The following THSD4 variants were observed in gnomAD, a reference collection of about 807,000 sequenced individuals.
THSD4 encodes thrombospondin type-1 domain-containing protein 4.
In THSD4, 69 loss-of-function variants were observed where a neutral mutation model predicts 119.0. That is an observed-to-expected ratio of 0.58 (90% CI 0.48 to 0.71). The LOEUF is 0.71. Ranked by LOEUF, THSD4 falls within the 30% of genes least tolerant of loss-of-function variation. THSD4 has a pLI of 0.00. For synonymous variants in THSD4, 524 were observed against 540.4 expected (o/e 0.97, Z 0.42); for missense variants, 1,393 against 1,391.1 (o/e 1.00, Z -0.02).
At chr15:71,286,528 T>A (rs1371095026) in intron 6 of THSD4, among the ~76,000 whole-genome samples, 3 of 152,268 alleles carry the variant, frequency 2.0e-5, no homozygotes, top group Admixed American at 2.0e-4. Flanking sequence ...GGTGTGTATG[T>A]ACCACATTTT....
At chr15:71,488,316 C>T (rs2047854490) in intron 7 of THSD4, among the ~76,000 whole-genome samples, 1 of 152,184 alleles carries the variant, frequency 6.6e-6, no homozygotes, top group South Asian at 2.1e-4. Context: ...TAGGATGCAT[C>T]GTTCTTCTAA....
intron 7 of THSD4, among the ~76,000 whole-genome samples, chr15:71,579,372 G>A (rs189148815): frequency 7.9e-5 from 12 of 152,302 alleles, no homozygotes; most frequent in African/African-American, 2.6e-4. Flanking sequence ...CCTCACGCCT[G>A]TTCTCATGAT....
chr15:71,239,687 T>C lies in THSD4; in HGVS notation c.465-2962T>C, dbSNP rs115938004. On this transcript the variant is annotated intron_variant, in intron 4 of 17. Transcript: ENST00000261862. ...ACAGCTCCCCTGGGCGCCTACCACA[T>C]GATTCTCCTGAAGGAGTTTACTGGC... Among the ~76,000 whole-genome samples the C allele has an allele frequency of 9.1e-3, 1,392 of 152,286 alleles. 28 individuals are homozygous for C. Among genetic ancestry groups the C allele is most frequent in the African/African-American group, 0.032 (1,347 of 41,560 alleles).
chr15:71,763,762 T>C (rs956642842), intron 15 of THSD4, among the ~76,000 whole-genome samples: 3 of 151,746 alleles, frequency 2.0e-5, no homozygotes, highest in African/African-American at 2.4e-5. Context: ...CTAAAAAAAA[T>C]TGTTTTAATT....
chr15:71,230,779 G>C (rs921821544), intron 4 of THSD4, among the ~76,000 whole-genome samples: 1 of 152,182 alleles, frequency 6.6e-6, no homozygotes, highest in Admixed American at 6.5e-5. Flanking sequence ...TCTTTGCTCT[G>C]AGCTATCTAA....
intron 8 of THSD4, among the ~76,000 whole-genome samples, chr15:71,700,017 A>G (rs2052252028): frequency 6.6e-6 from 1 of 152,222 alleles, no homozygotes; most frequent in South Asian, 2.1e-4. Context: ...ATCATACCTA[A>G]AGGTGAAACA....
intron 6 of THSD4, among the ~76,000 whole-genome samples, chr15:71,320,135 C>A (rs1245241613): frequency 6.6e-6 from 1 of 152,102 alleles, no homozygotes; most frequent in Non-Finnish European, 1.5e-5. Flanking sequence ...CTTCTAGTTC[C>A]CGAAGTTGGC....
At chr15:71,309,728 G>A (rs2045084946) in intron 6 of THSD4, among the ~76,000 whole-genome samples, 3 of 152,204 alleles carry the variant, frequency 2.0e-5, no homozygotes, top group Admixed American at 2.0e-4. Flanking sequence ...ACCACAATTT[G>A]TTGAAGAGAC....
intron 7 of THSD4, among the ~76,000 whole-genome samples, chr15:71,504,468 G>T (rs1216202039): frequency 6.6e-6 from 1 of 152,166 alleles, no homozygotes; most frequent in Non-Finnish European, 1.5e-5. Context: ...AAAGACTAAA[G>T]TCACACATTC....
chr15:71,742,350 G>C (rs1280085491), intron 11 of THSD4, among the ~76,000 whole-genome samples: 4 of 152,188 alleles, frequency 2.6e-5, no homozygotes, highest in Non-Finnish European at 4.4e-5. Context: ...CTCTTGGCTT[G>C]TTTCATTTGA....
At chr15:71,345,623 T>C (rs1002020022) in intron 6 of THSD4, among the ~76,000 whole-genome samples, 4 of 152,082 alleles carry the variant, frequency 2.6e-5, no homozygotes, top group African/African-American at 7.2e-5. Flanking sequence ...TGCAAAATAA[T>C]TGTGACAGGT....
At chr15:71,164,863 C>T in intron 3 of THSD4, 1 of 1,572,262 alleles carries the variant, frequency 6.4e-7, no homozygotes, top group Non-Finnish European at 8.6e-7. Context: ...CCTCCTCTTC[C>T]TTCTTTTTCT....
intron 1 of THSD4, among the ~76,000 whole-genome samples, chr15:71,101,211 G>A (rs913209810): frequency 6.6e-6 from 1 of 151,564 alleles, no homozygotes; most frequent in Non-Finnish European, 1.5e-5. Flanking sequence ...TTTAGTAGCT[G>A]TTCTAGAGAT....
rs137998363 is a variant in THSD4 at position 71,633,539 on chromosome 15, C to T, written c.1153-26991C>T. Among the ~76,000 whole-genome samples the T allele has an allele frequency of 4.0e-3, 616 of 152,212 alleles. 10 individuals carry two copies. The highest frequency in any genetic ancestry group is 0.014 in the African/African-American group (588 of 41,540). On this transcript the variant is annotated intron_variant, in intron 7 of 17. Coordinates refer to ENST00000261862, the MANE Select transcript of THSD4 (RefSeq NM_024817.3). The stretch of plus-strand genomic sequence containing the variant: ...ATCCACCTGCCTTGGCCTCCCAAAG[C>T]GTTGGGACTACAGGCATAAGCCACT...
At chr15:71,552,871 T>A (rs1368095184) in intron 7 of THSD4, among the ~76,000 whole-genome samples, 1 of 152,196 alleles carries the variant, frequency 6.6e-6, no homozygotes, top group Admixed American at 6.5e-5. Context: ...TGACCTCAAG[T>A]GATCCGCCCT....
chr15:71,494,783 A>C (rs2047984843), intron 7 of THSD4, among the ~76,000 whole-genome samples: 1 of 152,246 alleles, frequency 6.6e-6, no homozygotes, highest in South Asian at 2.1e-4. Flanking sequence ...ACAGCTGGTT[A>C]TTAAAAGATC....
intron 7 of THSD4, among the ~76,000 whole-genome samples, chr15:71,596,946 A>G (rs1362739525): frequency 6.6e-6 from 1 of 152,214 alleles, no homozygotes; most frequent in South Asian, 2.1e-4. Context: ...GCCAAGGAAC[A>G]TTGAAGCCAC....
At chr15:71,390,054 C>G (rs1320917940) in intron 6 of THSD4, among the ~76,000 whole-genome samples, 1 of 152,078 alleles carries the variant, frequency 6.6e-6, no homozygotes, top group African/African-American at 2.4e-5. Flanking sequence ...CCGCCCACCT[C>G]AGCCTCTCAA....
chr15:71,393,185 C>T (rs185149359), intron 6 of THSD4, among the ~76,000 whole-genome samples: 1 of 150,298 alleles, frequency 6.7e-6, no homozygotes, highest in Admixed American at 6.7e-5. Context: ...TGGAGGGCTG[C>T]ATTCGTTTGG....
Sources: allele counts gnomAD v4.1 joint callset (sites outside exome capture counted in the v4.1 genomes callset), GRCh38; gene constraint gnomAD v4.1.1; transcripts MANE v1.5; gene names NCBI Gene and HGNC (gene_info 2026-07-23, HGNC 2026-07-21).